ALDH5A1: variants seen among roughly 807,000 people sequenced by gnomAD.
The protein encoded by ALDH5A1 is aldehyde dehydrogenase 5 family member A1, also known as succinate-semialdehyde dehydrogenase, mitochondrial.
A neutral mutation model predicts 54.7 loss-of-function variants in ALDH5A1; 33 were observed. That is an observed-to-expected ratio of 0.60 (90% CI 0.46 to 0.81). The LOEUF is 0.81. Ranked by LOEUF, ALDH5A1 falls within the 30% of genes least tolerant of loss-of-function variation. ALDH5A1 has a pLI of 0.00. For synonymous variants in ALDH5A1, 294 were observed against 292.7 expected (o/e 1.00, Z -0.05); for missense variants, 657 against 711.0 (o/e 0.92, Z 0.86).
Position 24,532,129 on chromosome 6 carries a change from G to C in ALDH5A1, c.1354G>C (p.Glu452Gln), listed in dbSNP as rs781336101. ...PLAPVIKFDT[E>Q]EEAIAIANAA... is the part of the protein sequence containing the mutation. ...TCTTAACTTTGGCAGGTTCGATACA[G>C]AGGAGGAGGCTATAGCAATCGCTAA... Residue 452 changes from glutamate (E) to glutamine (Q), a missense_variant, in exon 9 of 10, where the codon GAG becomes CAG. This residue lies in a region of ALDH5A1 where 425 missense variants were observed against 516.4 expected (regional missense o/e 0.82). Coordinates refer to ENST00000357578, the MANE Select transcript of ALDH5A1 (RefSeq NM_001080.3). 6 of 1,614,038 alleles carry C rather than the reference G, an allele frequency of 3.7e-6. No homozygotes were observed. In the African/African-American group the frequency reaches 6.7e-5, roughly 18 times the overall value.
intron 8 of ALDH5A1, 24 bp downstream of exon 8, chr6:24,528,190 A>G (rs1554137992): frequency 6.2e-7 from 1 of 1,612,818 alleles, no homozygotes; most frequent in Non-Finnish European, 8.5e-7. Context: ...GCCAGCGGGG[A>G]GATGGGAGGA....
rs77287342 is a variant in ALDH5A1 at position 24,513,680 on chromosome 6, C to T, written c.727-1487C>T. 7.4e-4 allele frequency among the ~76,000 whole-genome samples: 105 copies of T among 142,746 alleles called. 1 individual carries two copies. Among genetic ancestry groups the T allele is most frequent in the African/African-American group, 2.4e-3 (94 of 38,992 alleles). 93.6% of individuals were successfully genotyped at this position (142,746 alleles called of 152,430 possible). ...ATCCCATGTACTCACCTACTATTGA[C>T]ATTGCAGCATCCCATGTACTCACCT... On this transcript the variant is annotated intron_variant, in intron 4 of 9. Coordinates refer to ENST00000357578, the MANE Select transcript of ALDH5A1 (RefSeq NM_001080.3).
chr6:24,531,406 T>C (rs1360169690), intron 8 of ALDH5A1, among the ~76,000 whole-genome samples: 3 of 152,254 alleles, frequency 2.0e-5, no homozygotes, highest in East Asian at 3.8e-4. Flanking sequence ...TTCATAACTG[T>C]GTACCCTTGG....
At chr6:24,501,569 G>A (rs903787772) in intron 1 of ALDH5A1, among the ~76,000 whole-genome samples, 10 of 149,860 alleles carry the variant, frequency 6.7e-5, no homozygotes, top group Non-Finnish European at 1.2e-4. Flanking sequence ...ATAGCTGAGC[G>A]TGATGATGTG....
chr6:24,501,096 T>G (rs576820780), intron 1 of ALDH5A1, among the ~76,000 whole-genome samples: 1 of 152,290 alleles, frequency 6.6e-6, no homozygotes, highest in East Asian at 1.9e-4. Flanking sequence ...TTTTAACAGA[T>G]CAAGGTAAAA....
chr6:24,504,755 G>T (rs761319595), intron 3 of ALDH5A1, 114 bp from the exon 4 acceptor site: 28 of 1,074,896 alleles, frequency 2.6e-5, no homozygotes, highest in Non-Finnish European at 4.1e-5. Flanking sequence ...AGCCAAACGG[G>T]TTTGTCAATC....
chr6:24,516,837 C>T (rs1427672552), intron 5 of ALDH5A1, among the ~76,000 whole-genome samples: 3 of 151,996 alleles, frequency 2.0e-5, no homozygotes, highest in Non-Finnish European at 4.4e-5. Flanking sequence ...GTGAGAGGAT[C>T]ACCTGAGCCT....
intron 4 of ALDH5A1, among the ~76,000 whole-genome samples, chr6:24,508,392 T>TAAAAAA (rs1561871767): frequency 5.0e-4 from 7 of 13,872 alleles, no homozygotes; most frequent in African/African-American, 7.1e-4. Context: ...AAAAAAAGAT[T>TAAAAAA]AATAGTCTCT....
rs1394971178 is a variant in ALDH5A1 at position 24,537,012 on chromosome 6, G to A, written c.*3300G>A. On this transcript the variant is annotated 3_prime_UTR_variant, in exon 10 of 10. Transcript: ENST00000357578. ...AGCATTTTACTTGAATAATATGTAT[G>A]TTGTCATTGTTTCATGCTATACTTT... 6.6e-6 allele frequency: 1 copy of A among 152,652 alleles called. No homozygotes were observed. The highest frequency in any genetic ancestry group is 1.5e-5 in the Non-Finnish European group (1 of 68,044). The allele number at this position is 152,652 out of a possible 1,614,324, so 9.5% of individuals were successfully genotyped here. A position where few individuals can be genotyped will look rare whatever the true frequency, so the allele number is the denominator to read the frequency against.
intron 7 of ALDH5A1, among the ~76,000 whole-genome samples, chr6:24,526,990 A>AC (rs376268951): frequency 1.8e-4 from 18 of 99,268 alleles, no homozygotes; most frequent in African/African-American, 3.2e-4. Context: ...ATATATATAT[A>AC]TATATATATA....
At chr6:24,497,201 G>A (rs1405301836) in intron 1 of ALDH5A1, among the ~76,000 whole-genome samples, 1 of 152,160 alleles carries the variant, frequency 6.6e-6, no homozygotes, top group Non-Finnish European at 1.5e-5. Context: ...TGGGTGGGGC[G>A]TGGTGGCCAG....
At chr6:24,526,974 G>GTATATATATATATA (rs58873176) in intron 7 of ALDH5A1, among the ~76,000 whole-genome samples, 39 of 30,598 alleles carry the variant, frequency 1.3e-3, no homozygotes, top group African/African-American at 2.9e-3. Context: ...ATGTGTGTGT[G>GTATATATATATATA]TATATATATA....
Position 24,495,070 on chromosome 6 carries a change from G to GC in ALDH5A1, c.79dup (p.Arg27ProfsTer109). Reference sequence around the variant, plus strand: ...TCGACGTTTCCAGGCTGCCGCCTCCGCCCCCGCGCCGGCGGCCTGGTCCCT... The same window carrying GC: ...TCGACGTTTCCAGGCTGCCGCCTCCGCCCCCCGCGCCGGCGGCCTGGTCCCT... On this transcript the variant is annotated frameshift_variant, in exon 1 of 10. Transcript: ENST00000357578. LOFTEE classifies it high-confidence loss of function. The GC allele has an allele frequency of 2.3e-6, 3 of 1,328,514 alleles. No individual in the cohort carries two copies. Among genetic ancestry groups the GC allele is most frequent in the South Asian group, 2.2e-5 (1 of 44,844 alleles). 82.3% of individuals were successfully genotyped at this position (1,328,514 alleles called of 1,614,324 possible). A position where few individuals can be genotyped will look rare whatever the true frequency, so the allele number is the denominator to read the frequency against.
intron 7 of ALDH5A1, among the ~76,000 whole-genome samples, chr6:24,523,148 A>C (rs1232261029): frequency 6.6e-6 from 1 of 152,094 alleles, no homozygotes; most frequent in Non-Finnish European, 1.5e-5. Context: ...TTATTAGAAG[A>C]GTAGATTTTG....
chr6:24,511,262 C>A (rs1759453700), intron 4 of ALDH5A1, among the ~76,000 whole-genome samples: 1 of 152,168 alleles, frequency 6.6e-6, no homozygotes, highest in Admixed American at 6.5e-5. Flanking sequence ...CTCTTTCCTT[C>A]GTCTGAACTT....
chr6:24,524,851 A>G (rs1186982497), intron 7 of ALDH5A1, among the ~76,000 whole-genome samples: 1 of 152,160 alleles, frequency 6.6e-6, no homozygotes, highest in Non-Finnish European at 1.5e-5. Context: ...GACCCATCCA[A>G]GAAGACTAGG....
intron 9 of ALDH5A1, 28 bp downstream of exon 9, chr6:24,532,205 G>T: frequency 6.2e-7 from 1 of 1,610,050 alleles, no homozygotes; most frequent in Non-Finnish European, 8.5e-7. Flanking sequence ...TTCAATACCA[G>T]TCATAATCAT....
In ALDH5A1 at chr6:24,528,150, C is replaced by A; in HGVS notation, c.1327C>A (p.Leu443Met). ...CACTCATGAAGAGACTTTCGGGCCT[C>A]TGGCACCAGTTATCAAGTAAGATCC... ...LCTHEETFGP[L>M]APVIKFDTEE... The change falls in exon 8 of 10, where the codon CTG (leucine) becomes ATG (methionine). Residue 443 changes from leucine to methionine, a missense_variant. By Grantham distance (15) the Leu-to-Met change is conservative (BLOSUM62 2). Transcript: ENST00000357578. 6.2e-7 allele frequency: 1 copy of A among 1,613,862 alleles called. No individual in the cohort carries two copies. The highest frequency in any genetic ancestry group is 8.5e-7 in the Non-Finnish European group (1 of 1,179,852).
At chr6:24,526,886 ATTC>A (rs1759809711) in intron 7 of ALDH5A1, among the ~76,000 whole-genome samples, 2 of 82,882 alleles carry the variant, frequency 2.4e-5, no homozygotes, top group African/African-American at 3.9e-5. Context: ...CTATATATAT[ATTC>A]TATATATATA....
Sources: allele counts gnomAD v4.1 joint callset (sites outside exome capture counted in the v4.1 genomes callset), GRCh38; gene constraint gnomAD v4.1.1; regional missense constraint gnomAD v4.1.1; transcripts MANE v1.5; gene names NCBI Gene and HGNC (gene_info 2026-07-23, HGNC 2026-07-21).